Variants in ETV6 observed in about 807,000 individuals in gnomAD.
The protein encoded by ETV6 is ETS variant transcription factor 6.
Under a neutral mutation model 51.1 loss-of-function variants are expected in ETV6, and 16 were observed. The observed-to-expected ratio is 0.31, with a 90% CI of 0.21 to 0.48. The LOEUF is 0.48. Among genes scored for constraint, ETV6 ranks in the 20% least tolerant of loss-of-function variants. The pLI, the probability that ETV6 is intolerant of heterozygous loss-of-function variation, is 0.99. For missense variants in ETV6, 458 were observed against 594.8 expected (o/e 0.77, Z 2.39); for synonymous variants, 240 against 224.1 (o/e 1.07, Z -0.64).
intron 1 of ETV6, among the ~76,000 whole-genome samples, chr12:11,668,460 C>T (rs1474209311): frequency 6.6e-6 from 1 of 151,254 alleles, no homozygotes; most frequent in African/African-American, 2.4e-5. Context: ...TATATTCTAA[C>T]AAATTATTTC....
chr12:11,666,331 C>T (rs1044125898), intron 1 of ETV6, among the ~76,000 whole-genome samples: 1 of 152,180 alleles, frequency 6.6e-6, no homozygotes, highest in Non-Finnish European at 1.5e-5. Context: ...ATGAAGATCT[C>T]TCTGGAGCTC....
At position 11,724,604 on chromosome 12, in the gene ETV6, TA is replaced by T. The variant is rs552070845; in HGVS notation, c.34-27845del. Among the ~76,000 whole-genome samples the T allele has an allele frequency of 2.3e-3, 349 of 152,302 alleles. 3 individuals are homozygous for T. The highest frequency in any genetic ancestry group is 0.02 in the Middle Eastern group (6 of 294). On this transcript the variant is annotated intron_variant, in intron 1 of 7. Coordinates refer to ENST00000396373, the MANE Select transcript of ETV6 (RefSeq NM_001987.5). Reference sequence around the variant, plus strand: ...TAAGGCCTAGTCTTCAGGAAGCCTTTATTTGTGCTCTGTGTATCAGAAGAGG... The same window carrying T: ...TAAGGCCTAGTCTTCAGGAAGCCTTTTTTGTGCTCTGTGTATCAGAAGAGG...
intron 2 of ETV6, among the ~76,000 whole-genome samples, chr12:11,777,459 T>C (rs531854534): frequency 3.4e-4 from 51 of 152,122 alleles, no homozygotes; most frequent in Non-Finnish European, 5.9e-4. Context: ...TTTTTGTTTT[T>C]TTTTTCTTCT....
chr12:11,656,501 CCATTA>C (rs1565474966), intron 1 of ETV6, among the ~76,000 whole-genome samples: 1 of 152,148 alleles, frequency 6.6e-6, no homozygotes, highest in African/African-American at 2.4e-5. Flanking sequence ...GTCTTCCTAG[CCATTA>C]CACAAGTAGC....
At chr12:11,765,997 C>T (rs1003414403) in intron 2 of ETV6, among the ~76,000 whole-genome samples, 1 of 152,048 alleles carries the variant, frequency 6.6e-6, no homozygotes, top group Non-Finnish European at 1.5e-5. Flanking sequence ...GGTTGCCTCT[C>T]GCAGGGTTAA....
chr12:11,843,577 A>G (rs1297567211), intron 3 of ETV6, among the ~76,000 whole-genome samples: 1 of 152,192 alleles, frequency 6.6e-6, no homozygotes, highest in African/African-American at 2.4e-5. Context: ...GTAGCTTTCT[A>G]TGCTCTCTAT....
At chr12:11,850,987 T>G (rs1946544711) in intron 3 of ETV6, among the ~76,000 whole-genome samples, 1 of 152,124 alleles carries the variant, frequency 6.6e-6, no homozygotes, top group South Asian at 2.1e-4. Flanking sequence ...CCTTTAACCC[T>G]CATAGCAAAT....
chr12:11,760,876 A>ATGTGTG (rs1285515591), intron 2 of ETV6, among the ~76,000 whole-genome samples: 11 of 71,918 alleles, frequency 1.5e-4, no homozygotes, highest in African/African-American at 3.6e-4. Flanking sequence ...ATTATTATAT[A>ATGTGTG]TATGTGTGTG....
intron 1 of ETV6, among the ~76,000 whole-genome samples, chr12:11,726,204 G>A (rs1295640855): frequency 6.6e-6 from 1 of 152,164 alleles, no homozygotes; most frequent in Non-Finnish European, 1.5e-5. Flanking sequence ...GAATTCTTAA[G>A]GGCATTTGAA....
intron 4 of ETV6, among the ~76,000 whole-genome samples, chr12:11,862,837 G>T (rs1343074075): frequency 2.0e-5 from 3 of 152,146 alleles, no homozygotes; most frequent in Non-Finnish European, 4.4e-5. Flanking sequence ...TAAGAGACCG[G>T]GAGTGGTATA....
At chr12:11,749,030 G>T (rs974971681) in intron 1 of ETV6, among the ~76,000 whole-genome samples, 6 of 152,114 alleles carry the variant, frequency 3.9e-5, no homozygotes, top group Non-Finnish European at 8.8e-5. Context: ...ATTGGCCTCA[G>T]AAATTGCAGT....
Position 11,884,626 on chromosome 12 carries a change from CA to C in ETV6, c.1152+43del. 2.5e-6 allele frequency: 4 copies of C among 1,610,658 alleles called. No individual in the cohort carries two copies. The East Asian group carries it at 8.9e-5, about 36-fold the overall frequency. On this transcript the variant is annotated intron_variant, in intron 6 of 7. Transcript: ENST00000396373. Reference sequence around the variant, plus strand: ...AGATATCTGCTCCATAAACTAGTGCCAAAATGAAGTCCTTATCCCTGGATTG... The same window carrying C: ...AGATATCTGCTCCATAAACTAGTGCCAAATGAAGTCCTTATCCCTGGATTG...
intron 1 of ETV6, among the ~76,000 whole-genome samples, chr12:11,735,086 CTTTTTTTTTT>C (rs58797937): frequency 9.2e-5 from 7 of 76,240 alleles, no homozygotes; most frequent in Admixed American, 2.0e-4. Context: ...GCAAGGTGGC[CTTTTTTTTTT>C]TTTTTTTTTT....
chr12:11,877,246 C>T (rs1947001744), intron 5 of ETV6, among the ~76,000 whole-genome samples: 2 of 151,940 alleles, frequency 1.3e-5, no homozygotes, highest in Admixed American at 6.6e-5. Flanking sequence ...TCTGTCTCCA[C>T]TTCCTCCCAC....
At chr12:11,886,763 G>A (rs1565568608) in intron 7 of ETV6, among the ~76,000 whole-genome samples, 4 of 152,158 alleles carry the variant, frequency 2.6e-5, no homozygotes. Flanking sequence ...AGAAAGAACT[G>A]GAAGAAGAAG....
At chr12:11,715,205 C>T (rs758289904) in intron 1 of ETV6, among the ~76,000 whole-genome samples, 1 of 152,164 alleles carries the variant, frequency 6.6e-6, no homozygotes, top group Non-Finnish European at 1.5e-5. Context: ...TTTCTCTTTT[C>T]ACTGGCCTTT....
chr12:11,818,857 C>G (rs1237535095), intron 2 of ETV6, among the ~76,000 whole-genome samples: 1 of 152,114 alleles, frequency 6.6e-6, no homozygotes, highest in Non-Finnish European at 1.5e-5. Context: ...GCAGCCTCAC[C>G]TCCTCCTGCA....
chr12:11,713,434 C>T (rs1865211204), intron 1 of ETV6, among the ~76,000 whole-genome samples: 1 of 152,194 alleles, frequency 6.6e-6, no homozygotes. Flanking sequence ...CATGAAGTCT[C>T]ATAGCAAATG....
intron 4 of ETV6, among the ~76,000 whole-genome samples, chr12:11,858,059 C>A (rs1422760687): frequency 8.5e-5 from 13 of 152,216 alleles, no homozygotes; most frequent in African/African-American, 3.1e-4. Flanking sequence ...TTCAGAACTT[C>A]AGATAATGTT....
Sources: allele counts gnomAD v4.1 joint callset (sites outside exome capture counted in the v4.1 genomes callset), GRCh38; gene constraint gnomAD v4.1.1; transcripts MANE v1.5; gene names NCBI Gene and HGNC (gene_info 2026-07-23, HGNC 2026-07-21).